The following PCDHGB3 variants were observed in gnomAD, a reference collection of about 807,000 sequenced individuals.
PCDHGB3 encodes protocadherin gamma-B3.
PCDHGB3 carries 40 observed loss-of-function variants against 59.2 expected under a neutral mutation model. The observed-to-expected ratio is 0.68, with a 90% CI of 0.52 to 0.88. The LOEUF (loss-of-function observed/expected upper bound fraction) is 0.88. PCDHGB3 is among the 40% of genes least tolerant of loss of function. The probability of loss-of-function intolerance (pLI) is 0.00; values close to 1 mark genes in which losing one functional copy is unlikely to be tolerated. For missense variants in PCDHGB3, 1,309 were observed against 1,187.9 expected (o/e 1.10, Z -1.50); for synonymous variants, 581 against 503.6 (o/e 1.15, Z -2.06).
At chr5:141,474,062 C>A (rs745636246) in intron 1 of PCDHGB3, among the ~76,000 whole-genome samples, 2 of 152,104 alleles carry the variant, frequency 1.3e-5, no homozygotes, top group Non-Finnish European at 2.9e-5. Context: ...AGAGCGAGAT[C>A]CTGCCTCAGA....
At chr5:141,408,566 G>A (rs779048929) in intron 1 of PCDHGB3, 2 of 1,613,912 alleles carry the variant, frequency 1.2e-6, no homozygotes, top group East Asian at 4.5e-5. Flanking sequence ...TGTCATTGTG[G>A]TGATTGAGGA....
At chr5:141,440,631 A>C (rs1036203175) in intron 1 of PCDHGB3, 2 of 152,224 alleles carry the variant, frequency 1.3e-5, no homozygotes, top group African/African-American at 4.8e-5. Flanking sequence ...ATGTTGAGAG[A>C]AATTCCTTAC....
chr5:141,385,198 C>A, intron 1 of PCDHGB3: 1 of 1,614,224 alleles, frequency 6.2e-7, no homozygotes, highest in Non-Finnish European at 8.5e-7. Flanking sequence ...TCGGAAGAGT[C>A]ACCTGATCTT....
chr5:141,485,109 CTGTT>C lies in PCDHGB3; in HGVS notation c.2416-9695_2416-9692del. ...AGATAGGTGTCTCCAGCTGCTGTGG[CTGTT>C]TGGGGCGGGTCGGCTTCATCCGCGT... On this transcript the variant is annotated intron_variant, in intron 1 of 3. Transcript: ENST00000576222. This position sits in a 1 kb window ranked among gnomAD's most constrained non-coding sequence, Gnocchi z 5.7. 8.1e-7 allele frequency: 1 copy of C among 1,230,964 alleles called. No individual in the cohort carries two copies. Among genetic ancestry groups the C allele is most frequent in the Non-Finnish European group, 1.2e-6 (1 of 850,026 alleles). The allele number at this position is 1,230,964 out of a possible 1,614,324, so 76.3% of individuals were successfully genotyped here.
In PCDHGB3 at chr5:141,432,545, A is replaced by G; in HGVS notation, c.2415+59736A>G. Reference sequence around the variant, plus strand: ...GGTGACCAAGGTGGTGGCGGTGGACAGAGACTCCGGCCAGAACGCCTGGCT... The same window carrying G: ...GGTGACCAAGGTGGTGGCGGTGGACGGAGACTCCGGCCAGAACGCCTGGCT... On this transcript the variant is annotated intron_variant, in intron 1 of 3. Coordinates refer to ENST00000576222, the MANE Select transcript of PCDHGB3 (RefSeq NM_018924.5). This position sits in a 1 kb window ranked among gnomAD's most constrained non-coding sequence, Gnocchi z 6.0. The G allele has an allele frequency of 1.2e-6, 2 of 1,613,876 alleles. No homozygotes were observed. Among genetic ancestry groups the G allele is most frequent in the Non-Finnish European group, 1.7e-6 (2 of 1,179,984 alleles).
chr5:141,410,180 C>G (rs776702898), intron 1 of PCDHGB3: 43 of 1,613,802 alleles, frequency 2.7e-5, no homozygotes, highest in Non-Finnish European at 3.4e-5. Context: ...CACCGCCACG[C>G]TTCATCTGGT....
intron 1 of PCDHGB3, chr5:141,375,334 G>C (rs1417595608): frequency 1.9e-6 from 3 of 1,613,802 alleles, no homozygotes; most frequent in East Asian, 2.2e-5. Context: ...AGGTATTCTT[G>C]TACAACATCA....
intron 2 of PCDHGB3, among the ~76,000 whole-genome samples, chr5:141,503,075 G>C (rs1373753092): frequency 6.6e-6 from 1 of 151,438 alleles, no homozygotes; most frequent in Non-Finnish European, 1.5e-5. Context: ...GAATGGTCTC[G>C]ATCTCCTGAC....
Position 141,398,041 on chromosome 5 carries a change from G to T in PCDHGB3, c.2415+25232G>T, listed in dbSNP as rs114009258. On this transcript the variant is annotated intron_variant, in intron 1 of 3. Coordinates refer to ENST00000576222, the MANE Select transcript of PCDHGB3 (RefSeq NM_018924.5). ...TAAACTGGAACTGGAACTAAAGCCC[G>T]TTCGGAGATCCAAAAATCTACAATA... 1,416 of 1,492,890 alleles carry T rather than the reference G, an allele frequency of 9.5e-4. 9 individuals are homozygous for T. The African/African-American group carries it at 0.016, about 16-fold the overall frequency. 92.5% of individuals were successfully genotyped at this position (1,492,890 alleles called of 1,614,324 possible).
At chr5:141,478,256 A>G in intron 1 of PCDHGB3, 6 of 1,614,126 alleles carry the variant, frequency 3.7e-6, no homozygotes, top group Non-Finnish European at 5.1e-6. Flanking sequence ...CGGAGTAATC[A>G]TATTCAAAGT....
rs1264130543 is a variant in PCDHGB3 at position 141,485,467 on chromosome 5, C to T, written c.2416-9340C>T. 2 of 1,614,112 alleles carry T rather than the reference C, an allele frequency of 1.2e-6. No homozygotes were observed. The highest frequency in any genetic ancestry group is 1.7e-6 in the Non-Finnish European group (2 of 1,180,024). On this transcript the variant is annotated intron_variant, in intron 1 of 3. Transcript: ENST00000576222. The surrounding 1 kb of genome is among the most constrained non-coding windows in gnomAD (Gnocchi z 5.7). ...TCGACCGAGAGGCACTGTGTGGGCT[C>T]AGTGCCAGCTGCATCGTGCCCCTGG... is the stretch of plus-strand genomic sequence containing the variant.
chr5:141,426,802 C>G (rs2096961440), intron 1 of PCDHGB3: 1 of 456,696 alleles, frequency 2.2e-6, no homozygotes, highest in South Asian at 1.5e-5. Flanking sequence ...CAGCTCAGTT[C>G]TAATGAACAT....
chr5:141,374,510 C>A, intron 1 of PCDHGB3: 1 of 1,611,824 alleles, frequency 6.2e-7, no homozygotes, highest in Non-Finnish European at 8.5e-7. Flanking sequence ...AGTGAAAATT[C>A]TCGAAAACGC....
Position 141,371,656 on chromosome 5 carries a change from C to T in PCDHGB3, c.1262C>T (p.Thr421Met), listed in dbSNP as rs772257649. 6 of 1,613,886 alleles carry T rather than the reference C, an allele frequency of 3.7e-6. No homozygotes were observed. The highest frequency in any genetic ancestry group is 1.3e-5 in the African/African-American group (1 of 74,930). Residue 421 changes from threonine to methionine, a missense_variant, in exon 1 of 4, where the codon ACG becomes ATG. Physicochemically the swap from Thr to Met is moderately conservative, Grantham distance 81. Coordinates refer to ENST00000576222, the MANE Select transcript of PCDHGB3 (RefSeq NM_018924.5). ...GAGCAGATCCCAGAATACAATGTGACGATCACAGCTACCGACAAAGGCAAT... is the reference window on the plus strand; with the variant it reads ...GAGCAGATCCCAGAATACAATGTGATGATCACAGCTACCGACAAAGGCAAT... ...DREQIPEYNV[T>M]ITATDKGNPP...
intron 1 of PCDHGB3, chr5:141,385,334 C>A: frequency 6.3e-7 from 1 of 1,581,530 alleles, no homozygotes; most frequent in Non-Finnish European, 8.6e-7. Context: ...GTGAGCCCAG[C>A]CCTTCCTTTA....
chr5:141,373,942 G>A (rs915722802), intron 1 of PCDHGB3: 1 of 734,324 alleles, frequency 1.4e-6, no homozygotes, highest in African/African-American at 1.8e-5. Flanking sequence ...CAGGAAAGCT[G>A]TGCAGAAATT....
Position 141,477,782 on chromosome 5 carries a change from T to G in PCDHGB3, c.2416-17025T>G, listed in dbSNP as rs763675478. 1.2e-5 allele frequency: 20 copies of G among 1,613,902 alleles called. No individual in the cohort carries two copies. Among genetic ancestry groups the G allele is most frequent in the Non-Finnish European group, 1.7e-5 (20 of 1,180,042 alleles). ...AGCCACCAACATCAGCGTGAACATA[T>G]TTGTCACTGATCGCAATGACAATGC... On this transcript the variant is annotated intron_variant, in intron 1 of 3. Coordinates refer to ENST00000576222, the MANE Select transcript of PCDHGB3 (RefSeq NM_018924.5). The surrounding 1 kb of genome is among the most constrained non-coding windows in gnomAD (Gnocchi z 4.9).
Position 141,372,161 on chromosome 5 carries a change from C to A in PCDHGB3, c.1767C>A (p.Thr589=). The A allele has an allele frequency of 6.2e-7, 1 of 1,613,776 alleles. No individual in the cohort carries two copies. Among genetic ancestry groups the A allele is most frequent in the Non-Finnish European group, 8.5e-7 (1 of 1,179,932 alleles). ...CTGCAGAGCCTGGCTACCTGGTGAC[C>A]AAGGTGGTGGCGGTGGACGCAGACT... ...PRSAEPGYLV[T]KVVAVDADSG... Residue 589 remains threonine (T), a synonymous_variant, in exon 1 of 4, where the codon ACC becomes ACA. Transcript: ENST00000576222.
rs776550132 is a variant in PCDHGB3, at chr5:141,394,056, G to A, written c.2415+21247G>A. 6 of 1,613,616 alleles carry A rather than the reference G, an allele frequency of 3.7e-6. No homozygotes were observed. The African/African-American group carries it at 5.3e-5, about 14-fold the overall frequency. On this transcript the variant is annotated intron_variant, in intron 1 of 3. Coordinates refer to ENST00000576222, the MANE Select transcript of PCDHGB3 (RefSeq NM_018924.5). ...AAGGAAATATTTGGACCGAGAAAAT[G>A]TCTCTATCTACAATATCACAGTGAT...
Sources: allele counts gnomAD v4.1 joint callset (sites outside exome capture counted in the v4.1 genomes callset), GRCh38; gene constraint gnomAD v4.1.1; non-coding constraint Gnocchi (gnomAD v3.1); transcripts MANE v1.5; gene names NCBI Gene and HGNC (gene_info 2026-07-23, HGNC 2026-07-21).